CDON: variants seen among roughly 807,000 people sequenced by gnomAD.
The protein encoded by CDON is cell adhesion associated, oncogene regulated.
Under a neutral mutation model 120.9 loss-of-function variants are expected in CDON, and 73 were observed. The observed-to-expected ratio is 0.60, with a 90% confidence interval of 0.50 to 0.73. The LOEUF (loss-of-function observed/expected upper bound fraction) is 0.73. Among genes scored for constraint, CDON ranks in the 30% least tolerant of loss-of-function variants. CDON has a pLI of 0.00. For synonymous variants in CDON, 566 were observed against 573.5 expected (o/e 0.99, Z 0.19); for missense variants, 1,470 against 1,587.3 (o/e 0.93, Z 1.26).
intron 1 of CDON, among the ~76,000 whole-genome samples, chr11:126,035,771 C>G (rs1376599014): frequency 2.6e-5 from 4 of 152,058 alleles, no homozygotes; most frequent in African/African-American, 9.7e-5. Flanking sequence ...GATACAATGC[C>G]CTGATGAAAC....
chr11:125,994,137 T>C (rs1946707608), intron 14 of CDON, 147 bp downstream of exon 14: 3 of 667,182 alleles, frequency 4.5e-6, no homozygotes, highest in Non-Finnish European at 8.2e-6. Context: ...CGGGAAAAGG[T>C]GGCTTTCTTT....
intron 11 of CDON, among the ~76,000 whole-genome samples, chr11:125,999,300 C>T (rs562425578): frequency 1.3e-4 from 20 of 152,126 alleles, no homozygotes; most frequent in East Asian, 5.8e-4. Context: ...AATGTCTGCA[C>T]GGAAAATAAT....
At chr11:125,974,049 C>T (rs1395167579) in intron 18 of CDON, among the ~76,000 whole-genome samples, 1 of 151,964 alleles carries the variant, frequency 6.6e-6, no homozygotes, top group Non-Finnish European at 1.5e-5. Flanking sequence ...ACACTTGCCA[C>T]CATGCCCAGC....
At chr11:125,995,173 A>G in intron 12 of CDON, 121 bp from the exon 13 acceptor site, 5 of 800,742 alleles carry the variant, frequency 6.2e-6, no homozygotes, top group Non-Finnish European at 1.1e-5. Flanking sequence ...GTACCTATCT[A>G]TACTAAAGTA....
chr11:125,972,750 A>G (rs1946038045), intron 18 of CDON, among the ~76,000 whole-genome samples: 1 of 152,228 alleles, frequency 6.6e-6, no homozygotes, highest in Non-Finnish European at 1.5e-5. Flanking sequence ...CAGAGAAAAA[A>G]GAACCTGGAG....
At chr11:126,019,513 GCC>G in intron 4 of CDON, 104 bp downstream of exon 4, 4 of 1,222,050 alleles carry the variant, frequency 3.3e-6, no homozygotes, top group Non-Finnish European at 4.8e-6. Flanking sequence ...CTCCACTCAT[GCC>G]TTCTTGTATC....
intron 1 of CDON, among the ~76,000 whole-genome samples, chr11:126,044,932 C>T (rs1369498901): frequency 6.6e-6 from 1 of 151,936 alleles, no homozygotes; most frequent in East Asian, 1.9e-4. Flanking sequence ...ACCTAATTAC[C>T]CTGATTTGAT....
rs779732689 is a variant in CDON, at chr11:126,019,633, A to G, written c.482T>C (p.Leu161Pro). ...EVRYKIRGKW[L>P]EHSTENYLIL... ...AAAGGTCTCACCTGTGGAATGTTCCAGCCATTTTCCCCGGATTTTATAGCG... is the reference window on the plus strand; with the variant it reads ...AAAGGTCTCACCTGTGGAATGTTCCGGCCATTTTCCCCGGATTTTATAGCG... Residue 161 changes from leucine to proline, a missense_variant, in exon 4 of 20, where the codon CTG becomes CCG. Leu to Pro is a moderately conservative substitution (Grantham distance 98, BLOSUM62 -3). Transcript: ENST00000531738. The G allele has an allele frequency of 6.2e-7, 1 of 1,614,100 alleles. No individual in the cohort carries two copies. Among genetic ancestry groups the G allele is most frequent in the Non-Finnish European group, 8.5e-7 (1 of 1,180,008 alleles).
chr11:126,003,235 G>C (rs1045138765), intron 10 of CDON, among the ~76,000 whole-genome samples: 6 of 152,144 alleles, frequency 3.9e-5, no homozygotes, highest in African/African-American at 1.4e-4. Context: ...CATGTAAAAG[G>C]CATTCAATAA....
At chr11:125,985,979 G>A (rs1389862060) in intron 15 of CDON, among the ~76,000 whole-genome samples, 1 of 152,088 alleles carries the variant, frequency 6.6e-6, no homozygotes, top group Non-Finnish European at 1.5e-5. Context: ...TATACCCAAA[G>A]GATTATAAAT....
chr11:125,960,710 C>T lies in CDON; in HGVS notation c.*232G>A, dbSNP rs1457014677. The T allele has an allele frequency of 9.3e-6, 5 of 537,422 alleles. No homozygotes were observed. Among genetic ancestry groups the T allele is most frequent in the Non-Finnish European group, 1.7e-5 (5 of 298,680 alleles). The allele number at this position is 537,422 out of a possible 1,614,324, so 33.3% of individuals were successfully genotyped here. On this transcript the variant is annotated 3_prime_UTR_variant, in exon 20 of 20. Coordinates refer to ENST00000531738, the MANE Select transcript of CDON (RefSeq NM_001378964.1). ...CCAGGTGACTGAATACTATGCAAAA[C>T]AAGGTTGTTTCCTACCGAGGGGGAG...
At chr11:125,987,643 CTATACTAT>C (rs1228596036) in intron 15 of CDON, among the ~76,000 whole-genome samples, 1 of 152,166 alleles carries the variant, frequency 6.6e-6, no homozygotes, top group Non-Finnish European at 1.5e-5. Context: ...GTAATCACAG[CTATACTAT>C]TATACTATTA....
chr11:126,013,203 G>A (rs1187032914), intron 7 of CDON, among the ~76,000 whole-genome samples: 3 of 152,250 alleles, frequency 2.0e-5, no homozygotes, highest in Admixed American at 1.3e-4. Context: ...CAGAAATGAC[G>A]TATTTTCTTT....
chr11:126,061,158 T>C (rs890702214), intron 1 of CDON, among the ~76,000 whole-genome samples: 1 of 152,224 alleles, frequency 6.6e-6, no homozygotes, highest in African/African-American at 2.4e-5. Flanking sequence ...GTGTGTTTCT[T>C]AATAGAAATA....
chr11:126,051,804 C>T (rs535641809), intron 1 of CDON, among the ~76,000 whole-genome samples: 25 of 151,906 alleles, frequency 1.6e-4, no homozygotes, highest in Admixed American at 2.6e-4. Context: ...CCCACCACCA[C>T]GCCCAGCTAA....
chr11:125,964,691 G>C (rs1002521991), intron 18 of CDON, among the ~76,000 whole-genome samples: 7 of 152,068 alleles, frequency 4.6e-5, no homozygotes, highest in Non-Finnish European at 1.0e-4. Context: ...AATTAACTTT[G>C]AGATAAGTCA....
chr11:126,020,260 C>T (rs1245168784), intron 3 of CDON, among the ~76,000 whole-genome samples: 1 of 152,166 alleles, frequency 6.6e-6, no homozygotes, highest in Non-Finnish European at 1.5e-5. Context: ...CCCATCAAAA[C>T]TCACTTTCCC....
Position 125,957,900 on chromosome 11 carries a change from A to T in CDON, c.*3042T>A, listed in dbSNP as rs906720445. ...GGAGATCGTGAAATGATACAGTGGG[A>T]GCGGGGCAGTTTATGCTAAAACAAT... On this transcript the variant is annotated 3_prime_UTR_variant, in exon 20 of 20. Coordinates refer to ENST00000531738, the MANE Select transcript of CDON (RefSeq NM_001378964.1). 4 of 152,246 alleles carry T rather than the reference A, an allele frequency of 2.6e-5. No homozygotes were observed. Among genetic ancestry groups the T allele is most frequent in the African/African-American group, 9.7e-5 (4 of 41,450 alleles). The allele number at this position is 152,246 out of a possible 1,614,324, so 9.4% of individuals were successfully genotyped here.
chr11:126,042,028 G>T (rs1948276097), intron 1 of CDON, among the ~76,000 whole-genome samples: 1 of 152,134 alleles, frequency 6.6e-6, no homozygotes, highest in African/African-American at 2.4e-5. Context: ...GGAATTACAG[G>T]CATGAGCCAC....
Sources: gnomAD v4.1 joint callset for allele counts (sites outside exome capture counted in the v4.1 genomes callset) on GRCh38, gnomAD v4.1.1 for gene constraint, MANE v1.5 for transcripts, NCBI Gene and HGNC (gene_info 2026-07-23, HGNC 2026-07-21) for gene names.